TRIT1: variants seen among roughly 807,000 people sequenced by gnomAD.
TRIT1 encodes tRNA dimethylallyltransferase.
In TRIT1, 43 loss-of-function variants were observed where a neutral mutation model predicts 51.2. The ratio of observed to expected loss-of-function variants is 0.84; its 90% confidence interval spans 0.66 to 1.08. TRIT1 has a LOEUF of 1.08. Ranked by LOEUF, TRIT1 falls within the 50% of genes least tolerant of loss-of-function variation. TRIT1 has a pLI of 0.00. For missense variants in TRIT1, 528 were observed against 578.4 expected (o/e 0.91, Z 0.89); for synonymous variants, 184 against 203.9 (o/e 0.90, Z 0.83).
intron 1 of TRIT1, among the ~76,000 whole-genome samples, chr1:39,867,238 T>C (rs916323408): frequency 6.6e-6 from 1 of 152,162 alleles, no homozygotes; most frequent in African/African-American, 2.4e-5. Flanking sequence ...CTCCACCTCC[T>C]GGGTTCAAGT....
rs1176636076 is a variant in TRIT1 at position 39,841,495 on chromosome 1, A to G, written c.*249T>C. ...ATAATAGAACCTTTAAGGTTCAAAG[A>G]AAAAAAAAATGCTTTCCTGAACTAC... On this transcript the variant is annotated 3_prime_UTR_variant, in exon 11 of 11. Transcript: ENST00000316891. 1.5e-5 allele frequency: 4 copies of G among 269,078 alleles called. No individual in the cohort carries two copies. Among genetic ancestry groups the G allele is most frequent in the Non-Finnish European group, 2.6e-5 (4 of 153,722 alleles). The allele number at this position is 269,078 out of a possible 1,614,324, so 16.7% of individuals were successfully genotyped here. A position where few individuals can be genotyped will look rare whatever the true frequency, so the allele number is the denominator to read the frequency against.
intron 1 of TRIT1, among the ~76,000 whole-genome samples, chr1:39,878,983 C>T (rs1644155765): frequency 6.6e-6 from 1 of 152,158 alleles, no homozygotes; most frequent in Admixed American, 6.6e-5. Flanking sequence ...AAGTTAAAAA[C>T]TCCTGGCCTG....
rs144042123 is a variant in TRIT1, at chr1:39,847,247, G to A, written c.979C>T (p.Arg327Ter). 6.2e-4 allele frequency: 1,008 copies of A among 1,613,988 alleles called. No individual in the cohort carries two copies. Among genetic ancestry groups the A allele is most frequent in the Non-Finnish European group, 7.0e-4 (828 of 1,180,016 alleles). Reference sequence around the variant, plus strand: ...CTCAAAAAACGGTTTTTAACCCATCGGTTTTGTTTCCGGGCATATCTCTTA... The same window carrying A: ...CTCAAAAAACGGTTTTTAACCCATCAGTTTTGTTTCCGGGCATATCTCTTA... ...VTKRYARKQN[R>*]WVKNRFLSRP... Residue 327 changes from arginine (R) to a stop codon, truncating the protein, a stop_gained, in exon 8 of 11, where the codon CGA (arginine) becomes TGA (stop). Coordinates refer to ENST00000316891, the MANE Select transcript of TRIT1 (RefSeq NM_017646.6). LOFTEE classifies it high-confidence loss of function.
intron 1 of TRIT1, among the ~76,000 whole-genome samples, chr1:39,879,150 T>C (rs1466343308): frequency 6.6e-6 from 1 of 152,010 alleles, no homozygotes; most frequent in Non-Finnish European, 1.5e-5. Flanking sequence ...ACGCTTATAG[T>C]CCCAGCTACT....
chr1:39,848,340 C>A (rs928413186), intron 5 of TRIT1, among the ~76,000 whole-genome samples: 1 of 151,992 alleles, frequency 6.6e-6, no homozygotes, highest in South Asian at 2.1e-4. Context: ...AGAAAGCATA[C>A]AATTACAGCA....
At chr1:39,857,215 T>C in intron 2 of TRIT1, 62 bp downstream of exon 2, 1 of 1,519,430 alleles carries the variant, frequency 6.6e-7, no homozygotes, top group South Asian at 1.2e-5. Context: ...GAAAGAAAAC[T>C]TCTCTCTTGG....
At chr1:39,865,873 A>T (rs889973688) in intron 1 of TRIT1, among the ~76,000 whole-genome samples, 1 of 150,606 alleles carries the variant, frequency 6.6e-6, no homozygotes, top group African/African-American at 2.4e-5. Context: ...GTGATAAAGG[A>T]AAGAAGAGAG....
rs368244922 is a variant in TRIT1, at chr1:39,847,210, T to C, written c.1006+10A>G. On this transcript the variant is annotated intron_variant, in intron 8 of 10. Coordinates refer to ENST00000316891, the MANE Select transcript of TRIT1 (RefSeq NM_017646.6). ...CAGACCCATAGGATAAAGAAAAACA[T>C]GAGACTTACTGCTCAAAAAACGGTT... The C allele has an allele frequency of 4.6e-4, 749 of 1,612,788 alleles. 1 individual carries two copies. The highest frequency in any genetic ancestry group is 5.6e-4 in the Non-Finnish European group (663 of 1,178,916).
chr1:39,868,550 A>G (rs994465348), intron 1 of TRIT1, among the ~76,000 whole-genome samples: 2 of 150,976 alleles, frequency 1.3e-5, no homozygotes, highest in African/African-American at 4.9e-5. Flanking sequence ...AGGCTGAGGC[A>G]GGAGAATCAC....
intron 2 of TRIT1, among the ~76,000 whole-genome samples, chr1:39,856,582 T>A (rs1642917353): frequency 6.6e-6 from 1 of 152,096 alleles, no homozygotes; most frequent in African/African-American, 2.4e-5. Flanking sequence ...ACTAAATAAG[T>A]TCCATGCTAT....
chr1:39,847,853 T>C, intron 6 of TRIT1, 133 bp downstream of exon 6: 2 of 1,362,072 alleles, frequency 1.5e-6, no homozygotes, highest in Non-Finnish European at 2.0e-6. Context: ...CCTGGGACTG[T>C]CTGAAAGATT....
At chr1:39,876,702 G>A (rs996831360) in intron 1 of TRIT1, among the ~76,000 whole-genome samples, 4 of 151,898 alleles carry the variant, frequency 2.6e-5, no homozygotes, top group African/African-American at 4.8e-5. Context: ...CGAGGCTGGC[G>A]GATCACCTGA....
intron 3 of TRIT1, 101 bp downstream of exon 3, chr1:39,853,869 G>A (rs906759631): frequency 5.3e-6 from 4 of 754,086 alleles, no homozygotes; most frequent in Non-Finnish European, 8.7e-6. Flanking sequence ...ATAGTTGCTG[G>A]GTATAAGAAA....
intron 2 of TRIT1, among the ~76,000 whole-genome samples, chr1:39,854,782 T>C (rs1642798015): frequency 6.6e-6 from 1 of 152,200 alleles, no homozygotes; most frequent in Non-Finnish European, 1.5e-5. Context: ...CTTTAAATTT[T>C]TCTCTTTAGA....
chr1:39,853,838 A>G (rs1642734782), intron 3 of TRIT1, 132 bp downstream of exon 3: 1 of 639,504 alleles, frequency 1.6e-6, no homozygotes, highest in African/African-American at 1.8e-5. Flanking sequence ...CATTTGCTTG[A>G]GAATATTAAG....
In TRIT1 at chr1:39,839,206, G is replaced by A. The variant is rs527876260; in HGVS notation, c.*2538C>T. Among the ~76,000 whole-genome samples, 2 of 152,276 alleles carry A rather than the reference G, an allele frequency of 1.3e-5. No homozygotes were observed. Among genetic ancestry groups the A allele is most frequent in the Admixed American group, 1.3e-4 (2 of 15,296 alleles). ...ATACCTGGACTGGAGGGCTCTGCTTGCCTTGGGATTGCTATGGCCAGATGG... is the reference window on the plus strand; with the variant it reads ...ATACCTGGACTGGAGGGCTCTGCTTACCTTGGGATTGCTATGGCCAGATGG... On this transcript the variant is annotated 3_prime_UTR_variant, in exon 11 of 11. Transcript: ENST00000316891.
chr1:39,842,796 G>A (rs1043142041), intron 10 of TRIT1, among the ~76,000 whole-genome samples: 1 of 152,192 alleles, frequency 6.6e-6, no homozygotes, highest in Non-Finnish European at 1.5e-5. Context: ...GCAAGAATAA[G>A]TAAGGTAGAG....
chr1:39,872,806 G>C (rs1244068841), intron 1 of TRIT1, among the ~76,000 whole-genome samples: 1 of 125,374 alleles, frequency 8.0e-6, no homozygotes, highest in Non-Finnish European at 1.6e-5. Context: ...GAGAGAGAAA[G>C]GAAGGAAGGG....
In TRIT1 at chr1:39,865,686, A is replaced by G. The variant is rs78865038; in HGVS notation, c.175-8269T>C. Among the ~76,000 whole-genome samples, 635 of 147,822 alleles carry G rather than the reference A, an allele frequency of 4.3e-3. 4 individuals carry two copies. The highest frequency in any genetic ancestry group is 5.9e-3 in the African/African-American group (232 of 39,352). On this transcript the variant is annotated intron_variant, in intron 1 of 10. Coordinates refer to ENST00000316891, the MANE Select transcript of TRIT1 (RefSeq NM_017646.6). Reference sequence around the variant, plus strand: ...TCTGTCTCTACAAAAAAAAAAAAAAAAAAAGAAAAGAAAATTAGTCAGGCA... The same window carrying G: ...TCTGTCTCTACAAAAAAAAAAAAAAGAAAAGAAAAGAAAATTAGTCAGGCA...
Sources: gnomAD v4.1 joint callset for allele counts (sites outside exome capture counted in the v4.1 genomes callset) on GRCh38, gnomAD v4.1.1 for gene constraint, MANE v1.5 for transcripts, NCBI Gene and HGNC (gene_info 2026-07-23, HGNC 2026-07-21) for gene names.